Variants in CPSF7 observed in about 807,000 individuals in gnomAD.
CPSF7 encodes cleavage and polyadenylation specific factor 7, also known as cleavage and polyadenylation specificity factor subunit 7.
In CPSF7, 1 loss-of-function variant was observed where a neutral mutation model predicts 44.3. The observed-to-expected ratio is 0.02, with a 90% confidence interval of 0.01 to 0.11. The LOEUF is 0.11. CPSF7 is among the 10% of genes least tolerant of loss of function. The pLI is 1.00. For synonymous variants in CPSF7, 202 were observed against 222.0 expected, an observed-to-expected ratio of 0.91 and a Z score of 0.80; for missense variants, 443 against 607.2, an observed-to-expected ratio of 0.73 and a Z score of 2.84.
At chr11:61,422,529 C>G (rs891710273) in intron 2 of CPSF7, among the ~76,000 whole-genome samples, 1 of 152,066 alleles carries the variant, frequency 6.6e-6, no homozygotes, top group Non-Finnish European at 1.5e-5. Flanking sequence ...GTTGCCCAGG[C>G]TAGTCTGGAA....
At chr11:61,414,434 C>T (rs1860132350) in intron 7 of CPSF7, among the ~76,000 whole-genome samples, 1 of 152,154 alleles carries the variant, frequency 6.6e-6, no homozygotes, top group South Asian at 2.1e-4. Flanking sequence ...AGGCATGAGC[C>T]ACTGCACCTG....
In CPSF7 at chr11:61,416,262, G is replaced by T. The variant is rs750933170; in HGVS notation, c.781C>A (p.Pro261Thr). 6.5e-7 allele frequency: 1 copy of T among 1,537,072 alleles called. No individual in the cohort carries two copies. Among genetic ancestry groups the T allele is most frequent in the South Asian group, 1.3e-5 (1 of 78,500 alleles). ...GCAAGATGAGGAGGTAATCGAGGAG[G>T]TGGGGGCATGAGATGCTGGTAGTGG... Reference protein sequence around the residue: ...GIHYQHLMPPPPRLPPHLAVP... With the variant: ...GIHYQHLMPPTPRLPPHLAVP... The change falls in exon 6 of 10, where the codon CCT becomes ACT. Residue 261 changes from proline to threonine, a missense_variant. Physicochemically the swap from Pro to Thr is conservative, Grantham distance 38 (BLOSUM62 -1). Coordinates refer to ENST00000439958, the MANE Select transcript of CPSF7 (RefSeq NM_001142565.3).
chr11:61,421,668 C>A, intron 2 of CPSF7, 60 bp from the exon 3 acceptor site: 1 of 1,192,288 alleles, frequency 8.4e-7, no homozygotes, highest in African/African-American at 1.5e-5. Context: ...CATTCTATTT[C>A]ACTCTAGTTT....
chr11:61,423,169 C>CTT (rs35043745), intron 2 of CPSF7, among the ~76,000 whole-genome samples: 28 of 60,790 alleles, frequency 4.6e-4, no homozygotes, highest in Non-Finnish European at 7.6e-4. Flanking sequence ...TCAGAGAAAT[C>CTT]TTTTTTTTTT....
intron 9 of CPSF7, among the ~76,000 whole-genome samples, chr11:61,408,843 G>A (rs1859573862): frequency 6.6e-6 from 1 of 152,190 alleles, no homozygotes; most frequent in South Asian, 2.1e-4. Flanking sequence ...CATTACTTAA[G>A]AGTTTTTATC....
intron 2 of CPSF7, 95 bp downstream of exon 2, chr11:61,429,087 C>T (rs1162957781): frequency 2.6e-6 from 2 of 758,302 alleles, no homozygotes; most frequent in Admixed American, 3.7e-5. Flanking sequence ...CGTGTTCAAG[C>T]CTAGGACTGG....
At chr11:61,413,625 C>T (rs1024364602) in intron 7 of CPSF7, among the ~76,000 whole-genome samples, 3 of 144,086 alleles carry the variant, frequency 2.1e-5, no homozygotes, top group Admixed American at 7.0e-5. Context: ...TAGAGCCAGA[C>T]TTCGTCTCAA....
chr11:61,406,903 A>G (rs547605626), intron 9 of CPSF7, among the ~76,000 whole-genome samples: 1 of 152,094 alleles, frequency 6.6e-6, no homozygotes, highest in South Asian at 2.1e-4. Context: ...CAGCACCCCC[A>G]AGTAGCTGGG....
intron 1 of CPSF7, chr11:61,429,636 TAGCCCCCAAGGCGGCTCCGGCCAG>T (rs1403469710): frequency 2.6e-6 from 3 of 1,136,612 alleles, no homozygotes; most frequent in South Asian, 1.4e-5. Flanking sequence ...TGCACCTGCC[TAGCCCCCAAGGCGGCTCCGGCCAG>T]AGCCCCCAGG....
chr11:61,416,634 G>A, intron 5 of CPSF7, 115 bp from the exon 6 acceptor site: 1 of 1,117,224 alleles, frequency 9.0e-7, no homozygotes, highest in Non-Finnish European at 1.3e-6. Context: ...TAAAGAGGCT[G>A]AGAAGGTAAA....
chr11:61,410,613 T>G (rs1350543162), intron 9 of CPSF7: 1 of 197,120 alleles, frequency 5.1e-6, no homozygotes, highest in African/African-American at 2.3e-5. Flanking sequence ...TATCTTCATT[T>G]ACAAATGAAA....
At chr11:61,424,017 A>G (rs1861131845) in intron 2 of CPSF7, among the ~76,000 whole-genome samples, 1 of 152,210 alleles carries the variant, frequency 6.6e-6, no homozygotes, top group South Asian at 2.1e-4. Flanking sequence ...AACCCTTGTA[A>G]AAACGTTAGA....
chr11:61,411,674 T>C, intron 8 of CPSF7, 95 bp downstream of exon 8: 2 of 1,191,364 alleles, frequency 1.7e-6, no homozygotes, highest in South Asian at 1.6e-5. Context: ...CGGCCAGGTC[T>C]TTCCCAGATT....
intron 7 of CPSF7, 143 bp from the exon 8 acceptor site, chr11:61,412,080 A>G (rs950665570): frequency 1.6e-6 from 1 of 641,670 alleles, no homozygotes; most frequent in Non-Finnish European, 2.7e-6. Context: ...CAGATGTTGC[A>G]AGTGTAAAAC....
intron 1 of CPSF7, 138 bp downstream of exon 1, chr11:61,429,776 C>T (rs1861784449): frequency 6.5e-7 from 1 of 1,547,652 alleles, no homozygotes; most frequent in Non-Finnish European, 8.7e-7. Context: ...CGCGCTCTGC[C>T]TCCTCCCTCA....
intron 2 of CPSF7, among the ~76,000 whole-genome samples, chr11:61,425,007 A>G (rs532127046): frequency 3.3e-5 from 5 of 152,344 alleles, no homozygotes; most frequent in East Asian, 1.9e-4. Context: ...TAGGCAACCA[A>G]TCCACTGTTT....
At chr11:61,411,994 A>G in intron 7 of CPSF7, 57 bp from the exon 8 acceptor site, 1 of 1,502,652 alleles carries the variant, frequency 6.7e-7, no homozygotes, top group Non-Finnish European at 9.2e-7. Flanking sequence ...AACTAACTGG[A>G]CCAAAAGGAG....
chr11:61,409,103 A>C lies in CPSF7; in HGVS notation c.*5+1835T>G, dbSNP rs890029910. Among the ~76,000 whole-genome samples, 3 of 152,002 alleles carry C rather than the reference A, an allele frequency of 2.0e-5. No individual in the cohort carries two copies. In the East Asian group the frequency reaches 5.8e-4, roughly 29 times the overall value. ...TACAGAGCCATGATGGTGCCTCATGACAGTGCACTCCAGCCTGGGTGACAG... is the reference window on the plus strand; with the variant it reads ...TACAGAGCCATGATGGTGCCTCATGCCAGTGCACTCCAGCCTGGGTGACAG... On this transcript the variant is annotated intron_variant, in intron 9 of 9. Coordinates refer to ENST00000439958, the MANE Select transcript of CPSF7 (RefSeq NM_001142565.3).
At chr11:61,418,716 T>C (rs1160952459) in intron 5 of CPSF7, among the ~76,000 whole-genome samples, 3 of 149,772 alleles carry the variant, frequency 2.0e-5, no homozygotes, top group African/African-American at 7.6e-5. Flanking sequence ...GAGGTAACTT[T>C]CTTTTTTCTT....
Sources: allele counts gnomAD v4.1 joint callset (sites outside exome capture counted in the v4.1 genomes callset), GRCh38; gene constraint gnomAD v4.1.1; transcripts MANE v1.5; gene names NCBI Gene and HGNC (gene_info 2026-07-23, HGNC 2026-07-21).